The following DNAJB5 variants were observed in gnomAD, a reference collection of about 807,000 sequenced individuals.
The protein encoded by DNAJB5 is dnaJ homolog subfamily B member 5.
Under a neutral mutation model 32.6 loss-of-function variants are expected in DNAJB5, and 12 were observed. The ratio of observed to expected loss-of-function variants is 0.37; its 90% CI spans 0.24 to 0.60. The LOEUF is 0.60. DNAJB5 is among the 20% of genes least tolerant of loss of function. The probability of loss-of-function intolerance (pLI) is 0.71; values close to 1 mark genes in which losing one functional copy is unlikely to be tolerated. For synonymous variants in DNAJB5, 188 were observed against 212.9 expected (o/e 0.88, Z 1.02); for missense variants, 358 against 554.2 (o/e 0.65, Z 3.55).
Position 34,996,994 on chromosome 9 carries a change from CT to C in DNAJB5, c.1030-28del. On this transcript the variant is annotated intron_variant, in intron 4 of 4. Coordinates refer to ENST00000682809, the MANE Select transcript of DNAJB5 (RefSeq NM_001349723.3). This position sits in a 1 kb window ranked among gnomAD's most constrained non-coding sequence, Gnocchi z 7.2. ...TTCCTTCCCACTCACCTTACCCCAC[CT>C]TTTCCTCACTTTCTGCTTCGTCTTT... is the stretch of plus-strand genomic sequence containing the variant. The C allele has an allele frequency of 6.2e-7, 1 of 1,607,526 alleles. No homozygotes were observed.
chr9:34,993,638 C>T lies in DNAJB5; in HGVS notation c.427+194C>T, dbSNP rs1387691931. Among the ~76,000 whole-genome samples, 1 of 152,176 alleles carries T rather than the reference C, an allele frequency of 6.6e-6. No homozygotes were observed. Among genetic ancestry groups the T allele is most frequent in the Admixed American group, 6.5e-5 (1 of 15,282 alleles). ...GCTCACCCTAGTTCTCCCCGCCTCTCTCTGCCCCCTCCCTCCTCGGGTTCA... is the reference window on the plus strand; with the variant it reads ...GCTCACCCTAGTTCTCCCCGCCTCTTTCTGCCCCCTCCCTCCTCGGGTTCA... On this transcript the variant is annotated intron_variant, in intron 3 of 4. Transcript: ENST00000682809. This position sits in a 1 kb window ranked among gnomAD's most constrained non-coding sequence, Gnocchi z 4.7.
Position 34,990,080 on chromosome 9 carries a change from G to T in DNAJB5, c.-133+249G>T. ...GTCGGACCGGACCAGATTGGGTTCTGTGGGGCGGAGGCATCTGTGAGCAGA... is the reference window on the plus strand; with the variant it reads ...GTCGGACCGGACCAGATTGGGTTCTTTGGGGCGGAGGCATCTGTGAGCAGA... On this transcript the variant is annotated intron_variant, in intron 1 of 4. Coordinates refer to ENST00000682809, the MANE Select transcript of DNAJB5 (RefSeq NM_001349723.3). The surrounding 1 kb of genome is among the most constrained non-coding windows in gnomAD (Gnocchi z 4.5). 1.4e-6 allele frequency: 1 copy of T among 717,510 alleles called. No homozygotes were observed. The highest frequency in any genetic ancestry group is 2.2e-6 in the Non-Finnish European group (1 of 451,708). The allele number at this position is 717,510 out of a possible 1,614,324, so 44.4% of individuals were successfully genotyped here.
chr9:34,996,183 C>T lies in DNAJB5; in HGVS notation c.428-82C>T, dbSNP rs1827787381. 1 of 1,525,182 alleles carries T rather than the reference C, an allele frequency of 6.6e-7. No individual in the cohort carries two copies. Among genetic ancestry groups the T allele is most frequent in the African/African-American group, 1.4e-5 (1 of 72,174 alleles). The allele number at this position is 1,525,182 out of a possible 1,614,324, so 94.5% of individuals were successfully genotyped here. ...TTGCTTCTTTCTTTAAGCCTGTGAA[C>T]TGGGAGCTAGAGGGCAGGGGGAAGA... On this transcript the variant is annotated intron_variant, in intron 3 of 4. Transcript: ENST00000682809. This position sits in a 1 kb window ranked among gnomAD's most constrained non-coding sequence, Gnocchi z 7.2.
chr9:34,991,543 C>A, intron 2 of DNAJB5: 1 of 426,080 alleles, frequency 2.3e-6, no homozygotes, highest in South Asian at 1.7e-5. Context: ...TAGGGGCACC[C>A]TCTTGGTGTG....
chr9:34,991,717 A>T, intron 2 of DNAJB5: 1 of 155,652 alleles, frequency 6.4e-6, no homozygotes, highest in South Asian at 4.3e-5. Flanking sequence ...TCCCAACCCC[A>T]CCCCCCACCC....
At chr9:34,994,565 T>C (rs1563950526) in intron 3 of DNAJB5, among the ~76,000 whole-genome samples, 1 of 151,738 alleles carries the variant, frequency 6.6e-6, no homozygotes, top group Non-Finnish European at 1.5e-5. Context: ...GGGATAGGAG[T>C]GGAAAAGAGG....
At chr9:34,989,936 T>C in intron 1 of DNAJB5, 105 bp downstream of exon 1, 1 of 1,174,200 alleles carries the variant, frequency 8.5e-7, no homozygotes, top group Non-Finnish European at 1.1e-6. Flanking sequence ...TAGGCTCTGC[T>C]GCCTTGGGGA....
In DNAJB5 at chr9:34,990,247, CT is replaced by C. The variant is rs1827585416; in HGVS notation, c.-132-250del. On this transcript the variant is annotated intron_variant, in intron 1 of 4. Coordinates refer to ENST00000682809, the MANE Select transcript of DNAJB5 (RefSeq NM_001349723.3). The surrounding 1 kb of genome is among the most constrained non-coding windows in gnomAD (Gnocchi z 4.5). ...CGAGGGAGGAGACTCCCGTCAGTGA[CT>C]TCATTGAGTAGGTTCTTGGGGATTG... 9.0e-6 allele frequency: 12 copies of C among 1,331,036 alleles called. No individual in the cohort carries two copies. Among genetic ancestry groups the C allele is most frequent in the Non-Finnish European group, 1.2e-5 (12 of 1,022,422 alleles). 82.5% of individuals were successfully genotyped at this position (1,331,036 alleles called of 1,614,324 possible). A position where few individuals can be genotyped will look rare whatever the true frequency, so the allele number is the denominator to read the frequency against.
chr9:34,997,117 A>G lies in DNAJB5; in HGVS notation c.1121A>G (p.Lys374Arg). The change falls in exon 5 of 5, where the codon AAG becomes AGG. Residue 374 changes from lysine to arginine, a missense_variant. By Grantham distance (26) the Lys-to-Arg change is conservative. This residue lies in a region of DNAJB5 where 248 missense variants were observed against 442.6 expected (regional missense o/e 0.56). Coordinates refer to ENST00000682809, the MANE Select transcript of DNAJB5 (RefSeq NM_001349723.3). The surrounding 1 kb of genome is among the most constrained non-coding windows in gnomAD (Gnocchi z 4.1). The stretch of plus-strand genomic sequence containing the variant: ...GATGTCATCAAGCCAGGCACCGTGA[A>G]GAGACTCCGTGGGGAGGGCCTTCCC... ...CNDVIKPGTVKRLRGEGLPFP... is the reference protein window; with the variant it reads ...CNDVIKPGTVRRLRGEGLPFP... 6.2e-7 allele frequency: 1 copy of G among 1,614,212 alleles called. No individual in the cohort carries two copies. Among genetic ancestry groups the G allele is most frequent in the Non-Finnish European group, 8.5e-7 (1 of 1,180,040 alleles).
intron 2 of DNAJB5, chr9:34,991,525 T>C (rs752645318): frequency 4.5e-6 from 2 of 443,008 alleles, no homozygotes; most frequent in Non-Finnish European, 9.1e-6. Flanking sequence ...GAAGCTGCTC[T>C]CGTTCTCTAG....
At position 34,995,963 on chromosome 9, in the gene DNAJB5, T is replaced by C. The variant is rs548914850; in HGVS notation, c.428-302T>C. 1.5e-3 allele frequency among the ~76,000 whole-genome samples: 235 copies of C among 152,364 alleles called. 1 individual carries two copies. The highest frequency in any genetic ancestry group is 5.4e-3 in the African/African-American group (224 of 41,584). ...TTGAGACATCTTTGGACCATGAGTA[T>C]GTGGAAAAGATTACAGGACTGGAAG... is the stretch of plus-strand genomic sequence containing the variant. On this transcript the variant is annotated intron_variant, in intron 3 of 4. Transcript: ENST00000682809.
chr9:34,994,693 C>T (rs1827744202), intron 3 of DNAJB5, among the ~76,000 whole-genome samples: 1 of 152,196 alleles, frequency 6.6e-6, no homozygotes, highest in South Asian at 2.1e-4. Context: ...CCTTGAGATA[C>T]TTCACCCCTT....
Position 34,989,752 on chromosome 9 carries a change from G to C in DNAJB5, c.-212G>C. 8.1e-7 allele frequency: 1 copy of C among 1,231,464 alleles called. No individual in the cohort carries two copies. Among genetic ancestry groups the C allele is most frequent in the South Asian group, 4.1e-5 (1 of 24,500 alleles). The allele number at this position is 1,231,464 out of a possible 1,614,324, so 76.3% of individuals were successfully genotyped here. The stretch of plus-strand genomic sequence containing the variant: ...GGCGGGCAGGCGACTCCTGTCCCGG[G>C]TGGAGGCGGCGGAGCCGGAGCCGGG... On this transcript the variant is annotated 5_prime_UTR_variant, in exon 1 of 5. Coordinates refer to ENST00000682809, the MANE Select transcript of DNAJB5 (RefSeq NM_001349723.3).
At position 34,997,209 on chromosome 9, in the gene DNAJB5, T is replaced by C. The variant is rs369215213; in HGVS notation, c.1213T>C (p.Leu405=). The C allele has an allele frequency of 2.4e-5, 38 of 1,614,084 alleles. No homozygotes were observed. In the African/African-American group the frequency reaches 4.8e-4, roughly 20 times the overall value. The stretch of plus-strand genomic sequence containing the variant: ...GTTCAAAGTTCGCTTCCCAGACAGA[T>C]TAACACCACAGACAAGACAGATCCT... ...VEFKVRFPDR[L]TPQTRQILKQ... Residue 405 remains leucine, a synonymous_variant, in exon 5 of 5, where the codon TTA becomes CTA. Transcript: ENST00000682809. The surrounding 1 kb of genome is among the most constrained non-coding windows in gnomAD (Gnocchi z 4.1).
In DNAJB5 at chr9:34,993,428, C is replaced by G; in HGVS notation, c.411C>G (p.Asp137Glu). ...LSDPKKRGLY[D>E]QYGEEGLKTG... ...ACCCCAAGAAACGGGGCCTGTATGA[C>G]CAGTATGGGGAGGAAGGTAAGAGGG... The change falls in exon 3 of 5, where the codon GAC (aspartate) becomes GAG (glutamate). Residue 137 changes from aspartate (D) to glutamate (E), a missense_variant. By Grantham distance (45) the Asp-to-Glu change is conservative. Transcript: ENST00000682809. The surrounding 1 kb of genome is among the most constrained non-coding windows in gnomAD (Gnocchi z 4.7). The G allele has an allele frequency of 6.2e-7, 1 of 1,613,058 alleles. No individual in the cohort carries two copies. Among genetic ancestry groups the G allele is most frequent in the Admixed American group, 1.7e-5 (1 of 59,764 alleles).
chr9:34,993,256 T>C lies in DNAJB5; in HGVS notation c.239T>C (p.Ile80Thr), dbSNP rs776720756. The C allele has an allele frequency of 2.5e-6, 4 of 1,614,076 alleles. No homozygotes were observed. The highest frequency in any genetic ancestry group is 3.4e-6 in the Non-Finnish European group (4 of 1,180,004). Reference protein sequence around the residue: ...VAVMGKDYYKILGIPSGANED... With the variant: ...VAVMGKDYYKTLGIPSGANED... Reference sequence around the variant, plus strand: ...GTGATGGGAAAAGATTATTACAAGATTCTTGGGATCCCATCGGGGGCCAAC... The same window carrying C: ...GTGATGGGAAAAGATTATTACAAGACTCTTGGGATCCCATCGGGGGCCAAC... The change falls in exon 3 of 5, where the codon ATT becomes ACT. Residue 80 changes from isoleucine (I) to threonine (T), a missense_variant. Coordinates refer to ENST00000682809, the MANE Select transcript of DNAJB5 (RefSeq NM_001349723.3). The surrounding 1 kb of genome is among the most constrained non-coding windows in gnomAD (Gnocchi z 4.7).
In DNAJB5 at chr9:34,996,780, G is replaced by A. The variant is rs562575065; in HGVS notation, c.943G>A (p.Val315Ile). Reference protein sequence around the residue: ...ATPDNIPADIVFVLKDKPHAH... With the variant: ...ATPDNIPADIIFVLKDKPHAH... The stretch of plus-strand genomic sequence containing the variant: ...ACCTGACAACATCCCTGCTGACATC[G>A]TCTTTGTGCTCAAAGACAAGCCCCA... Residue 315 changes from valine (V) to isoleucine (I), a missense_variant, in exon 4 of 5, where the codon GTC (valine) becomes ATC (isoleucine). Coordinates refer to ENST00000682809, the MANE Select transcript of DNAJB5 (RefSeq NM_001349723.3). This position sits in a 1 kb window ranked among gnomAD's most constrained non-coding sequence, Gnocchi z 7.2. 3.4e-5 allele frequency: 55 copies of A among 1,614,010 alleles called. No individual in the cohort carries two copies. The highest frequency in any genetic ancestry group is 2.7e-4 in the East Asian group (12 of 44,866).
chr9:34,994,913 G>A (rs555948373), intron 3 of DNAJB5, among the ~76,000 whole-genome samples: 1 of 152,310 alleles, frequency 6.6e-6, no homozygotes, highest in African/African-American at 2.4e-5. Context: ...TCTGTGTGCA[G>A]CTCCAGCTAG....
chr9:34,991,668 G>C (rs1023680990), intron 2 of DNAJB5: 16 of 72,386 alleles, frequency 2.2e-4, no homozygotes, highest in Non-Finnish European at 2.6e-4. Context: ...GAAAACGGTT[G>C]CCCCCCCCCC....
Sources: allele counts gnomAD v4.1 joint callset (sites outside exome capture counted in the v4.1 genomes callset), GRCh38; gene constraint gnomAD v4.1.1; regional missense constraint gnomAD v4.1.1; non-coding constraint Gnocchi (gnomAD v3.1); transcripts MANE v1.5; gene names NCBI Gene and HGNC (gene_info 2026-07-23, HGNC 2026-07-21).